SLC45A1: variants seen among roughly 807,000 people sequenced by gnomAD.
The protein encoded by SLC45A1 is proton-associated sugar transporter A.
In SLC45A1, 28 loss-of-function variants were observed where a neutral mutation model predicts 57.6. That is an observed-to-expected ratio of 0.49 (90% CI 0.36 to 0.67). SLC45A1 has a LOEUF of 0.67. SLC45A1 is among the 30% of genes least tolerant of loss of function. The probability of loss-of-function intolerance (pLI) is 0.00; values close to 1 mark genes in which losing one functional copy is unlikely to be tolerated. For missense variants in SLC45A1, 814 were observed against 1,041.5 expected, an observed-to-expected ratio of 0.78 and a Z score of 3.01; for synonymous variants, 459 against 471.5, an observed-to-expected ratio of 0.97 and a Z score of 0.34.
intron 1 of SLC45A1, among the ~76,000 whole-genome samples, chr1:8,322,062 G>GATGA (rs1640033014): frequency 2.4e-5 from 3 of 124,482 alleles, no homozygotes; most frequent in Non-Finnish European, 3.5e-5. Flanking sequence ...TGGATGGATG[G>GATGA]GTGGGTGGGT....
Position 8,344,109 on chromosome 1 carries a change from T to A in SLC45A1, c.*96T>A, listed in dbSNP as rs6685844. 1,194,534 of 1,195,208 alleles carry A rather than the reference T, an allele frequency of 1. 596,933 individuals are homozygous for A. The highest frequency in any genetic ancestry group is 1 in the East Asian group (41,222 of 41,222). The allele number at this position is 1,195,208 out of a possible 1,614,324, so 74.0% of individuals were successfully genotyped here. A position where few individuals can be genotyped will look rare whatever the true frequency, so the allele number is the denominator to read the frequency against. On this transcript the variant is annotated 3_prime_UTR_variant, in exon 9 of 9. Coordinates refer to ENST00000471889, the MANE Select transcript of SLC45A1 (RefSeq NM_001080397.3). ...AAAGGGCCTTGTTGGACAGGGGGACTGGCTGCCTACTGGAATGTAAATATG... is the reference window on the plus strand; with the variant it reads ...AAAGGGCCTTGTTGGACAGGGGGACAGGCTGCCTACTGGAATGTAAATATG...
chr1:8,340,267 G>A (rs527555709), intron 8 of SLC45A1, among the ~76,000 whole-genome samples: 16 of 151,558 alleles, frequency 1.1e-4, no homozygotes, highest in Non-Finnish European at 2.1e-4. Context: ...GGTTCAAGTG[G>A]TCCTCCTGCC....
At position 8,324,568 on chromosome 1, in the gene SLC45A1, C is replaced by A; in HGVS notation, c.239C>A (p.Pro80His). ...LELVDFGDLHPQRSFRELLFN... is the reference protein window; with the variant it reads ...LELVDFGDLHHQRSFRELLFN... Reference sequence around the variant, plus strand: ...CTGGTGGACTTCGGGGACCTGCACCCCCAGAGGTCCTTCCGGGAGCTGCTT... The same window carrying A: ...CTGGTGGACTTCGGGGACCTGCACCACCAGAGGTCCTTCCGGGAGCTGCTT... Residue 80 changes from proline (P) to histidine (H), a missense_variant, in exon 2 of 9, where the codon CCC becomes CAC. Physicochemically the swap from Pro to His is moderately conservative, Grantham distance 77. Transcript: ENST00000471889. 2.5e-6 allele frequency: 4 copies of A among 1,613,178 alleles called. No individual in the cohort carries two copies. Among genetic ancestry groups the A allele is most frequent in the Non-Finnish European group, 3.4e-6 (4 of 1,179,936 alleles).
chr1:8,334,662 C>T (rs1390752832), intron 5 of SLC45A1, among the ~76,000 whole-genome samples: 3 of 152,112 alleles, frequency 2.0e-5, no homozygotes, highest in African/African-American at 7.2e-5. Flanking sequence ...ATGACCGCAC[C>T]ACTGCACTCC....
chr1:8,336,383 G>A (rs971023841), intron 6 of SLC45A1, among the ~76,000 whole-genome samples: 5 of 150,092 alleles, frequency 3.3e-5, no homozygotes, highest in Admixed American at 1.3e-4. Flanking sequence ...GCATTCCAGC[G>A]TGGGTGACAA....
intron 1 of SLC45A1, among the ~76,000 whole-genome samples, chr1:8,322,505 T>C (rs932435817): frequency 2.0e-5 from 3 of 151,650 alleles, no homozygotes; most frequent in African/African-American, 4.9e-5. Flanking sequence ...ATTTTCACCA[T>C]TGGTGTCTTC....
intron 6 of SLC45A1, among the ~76,000 whole-genome samples, chr1:8,337,177 C>T (rs1216032397): frequency 6.6e-6 from 1 of 152,194 alleles, no homozygotes; most frequent in Non-Finnish European, 1.5e-5. Flanking sequence ...TGCAAAGGCA[C>T]ATCTTACATG....
chr1:8,338,385 GGGTGTGTGGTCGT>G (rs1211844280), intron 7 of SLC45A1, among the ~76,000 whole-genome samples: 1 of 152,252 alleles, frequency 6.6e-6, no homozygotes, highest in Non-Finnish European at 1.5e-5. Context: ...GTGGGGGCAG[GGGTGTGTGGTCGT>G]GGAGCGTAGG....
At position 8,328,351 on chromosome 1, in the gene SLC45A1, C is replaced by T. The variant is rs145359417; in HGVS notation, c.716-1858C>T. 1.2e-3 allele frequency among the ~76,000 whole-genome samples: 178 copies of T among 152,298 alleles called. 1 individual carries two copies. Among genetic ancestry groups the T allele is most frequent in the African/African-American group, 3.8e-3 (159 of 41,564 alleles). ...CAAATGGCTCTACTTCCACAAGCCT[C>T]GGTCGCATCTCCTGGAAAATGTTGC... On this transcript the variant is annotated intron_variant, in intron 4 of 8. Transcript: ENST00000471889. The surrounding 1 kb of genome is among the most constrained non-coding windows in gnomAD (Gnocchi z 4.6).
In SLC45A1 at chr1:8,326,097, G is replaced by A. The variant is rs1027156604; in HGVS notation, c.715+55G>A. ...ATCTGCCGGGCTGCAGGCTTCAGAC[G>A]TGTGGCTTTCGAGGCCCTTCCTCAC... On this transcript the variant is annotated intron_variant, in intron 4 of 8. Coordinates refer to ENST00000471889, the MANE Select transcript of SLC45A1 (RefSeq NM_001080397.3). The surrounding 1 kb of genome is among the most constrained non-coding windows in gnomAD (Gnocchi z 5.5). 4.7e-5 allele frequency: 68 copies of A among 1,460,938 alleles called. No homozygotes were observed. Among genetic ancestry groups the A allele is most frequent in the South Asian group, 2.8e-4 (24 of 87,104 alleles). The allele number at this position is 1,460,938 out of a possible 1,614,324, so 90.5% of individuals were successfully genotyped here.
At position 8,330,628 on chromosome 1, in the gene SLC45A1, G is replaced by T. The variant is rs1477011397; in HGVS notation, c.1135G>T (p.Asp379Tyr). 1 of 1,613,594 alleles carries T rather than the reference G, an allele frequency of 6.2e-7. No individual in the cohort carries two copies. Residue 379 changes from aspartate (D) to tyrosine (Y), a missense_variant, in exon 5 of 9, where the codon GAC becomes TAC. Physicochemically the swap from Asp to Tyr is radical, Grantham distance 160. Transcript: ENST00000471889. The surrounding 1 kb of genome is among the most constrained non-coding windows in gnomAD (Gnocchi z 8.4). The part of the protein sequence containing the change: ...GTANIDSVLI[D>Y]CFTGGHDSYL... ...GGCCAACATAGACAGCGTCCTCATT[G>T]ACTGCTTCACGGGCGGCCACGACAG...
In SLC45A1 at chr1:8,318,136, G is replaced by T; in HGVS notation, c.-75G>T. On this transcript the variant is annotated 5_prime_UTR_variant, in exon 1 of 9. Coordinates refer to ENST00000471889, the MANE Select transcript of SLC45A1 (RefSeq NM_001080397.3). Reference sequence around the variant, plus strand: ...GCTGCAGCAGCCGGGACCGCGGCCGGGCAGGCAGCAGCCCAGCGGGGACAG... The same window carrying T: ...GCTGCAGCAGCCGGGACCGCGGCCGTGCAGGCAGCAGCCCAGCGGGGACAG... 1 of 464,960 alleles carries T rather than the reference G, an allele frequency of 2.2e-6. No homozygotes were observed. 28.8% of individuals were successfully genotyped at this position (464,960 alleles called of 1,614,324 possible). A position where few individuals can be genotyped will look rare whatever the true frequency, so the allele number is the denominator to read the frequency against.
chr1:8,330,902 C>A lies in SLC45A1; in HGVS notation c.1409C>A (p.Thr470Asn), dbSNP rs746345039. The change falls in exon 5 of 9, where the codon ACC becomes AAC. Residue 470 changes from threonine to asparagine, a missense_variant. Coordinates refer to ENST00000471889, the MANE Select transcript of SLC45A1 (RefSeq NM_001080397.3). This position sits in a 1 kb window ranked among gnomAD's most constrained non-coding sequence, Gnocchi z 8.4. Reference sequence around the variant, plus strand: ...GCAGCCGGAGGAGGGGGTCCCGAAACCAGCAGGAGAAGGAATGTGACCTTC... The same window carrying A: ...GCAGCCGGAGGAGGGGGTCCCGAAAACAGCAGGAGAAGGAATGTGACCTTC... ...PDAAGGGGPE[T>N]SRRRNVTFSQ... The A allele has an allele frequency of 6.2e-7, 1 of 1,600,564 alleles. No homozygotes were observed. Among genetic ancestry groups the A allele is most frequent in the Non-Finnish European group, 8.5e-7 (1 of 1,170,706 alleles).
At chr1:8,341,305 C>T (rs1286888619) in intron 8 of SLC45A1, among the ~76,000 whole-genome samples, 1 of 151,068 alleles carries the variant, frequency 6.6e-6, no homozygotes, top group Non-Finnish European at 1.5e-5. Flanking sequence ...GAGGCTGAGG[C>T]GGGCGGATTA....
In SLC45A1 at chr1:8,336,363, C is replaced by T. The variant is rs184879197; in HGVS notation, c.1597+773C>T. ...AGGCAGAGGTTGCAATGAGCTGAGA[C>T]TGCACCACTGCATTCCAGCGTGGGT... On this transcript the variant is annotated intron_variant, in intron 6 of 8. Transcript: ENST00000471889. Among the ~76,000 whole-genome samples the T allele has an allele frequency of 1.8e-3, 267 of 150,788 alleles. 1 individual carries two copies. The highest frequency in any genetic ancestry group is 6.0e-3 in the African/African-American group (247 of 40,932).
At chr1:8,339,044 C>T (rs1640716390) in intron 7 of SLC45A1, among the ~76,000 whole-genome samples, 1 of 152,166 alleles carries the variant, frequency 6.6e-6, no homozygotes, top group Admixed American at 6.5e-5. Flanking sequence ...TAGGGAGCCC[C>T]GTCGCTGACA....
chr1:8,332,487 T>A (rs1403706870), intron 5 of SLC45A1, among the ~76,000 whole-genome samples: 1 of 151,970 alleles, frequency 6.6e-6, no homozygotes, highest in South Asian at 2.1e-4. Context: ...GGCCACCAAC[T>A]GATCTGTGGG....
intron 1 of SLC45A1, among the ~76,000 whole-genome samples, chr1:8,323,616 A>AGTACT (rs1553149942): frequency 6.6e-6 from 1 of 151,320 alleles, no homozygotes; most frequent in Admixed American, 6.6e-5. Flanking sequence ...AGTTCGGCTT[A>AGTACT]TTAAAGAAAG....
At chr1:8,338,768 T>C (rs910305366) in intron 7 of SLC45A1, among the ~76,000 whole-genome samples, 11 of 152,268 alleles carry the variant, frequency 7.2e-5, no homozygotes, top group African/African-American at 2.4e-4. Flanking sequence ...TTTTTTGGTT[T>C]TTTAAATTAA....
Sources: allele counts gnomAD v4.1 joint callset (sites outside exome capture counted in the v4.1 genomes callset), GRCh38; gene constraint gnomAD v4.1.1; non-coding constraint Gnocchi (gnomAD v3.1); transcripts MANE v1.5; gene names NCBI Gene and HGNC (gene_info 2026-07-23, HGNC 2026-07-21).